The following GRIP1 variants were observed in gnomAD, a reference collection of about 807,000 sequenced individuals.
The protein encoded by GRIP1 is glutamate receptor-interacting protein 1.
GRIP1 carries 45 observed loss-of-function variants against 129.9 expected under a neutral mutation model. The observed-to-expected ratio is 0.35, with a 90% confidence interval of 0.27 to 0.44. The LOEUF (loss-of-function observed/expected upper bound fraction) is 0.44. Among genes scored for constraint, GRIP1 ranks in the 20% least tolerant of loss-of-function variants. The pLI, the probability that GRIP1 is intolerant of heterozygous loss-of-function variation, is 1.00. For synonymous variants in GRIP1, 530 were observed against 520.8 expected, an observed-to-expected ratio of 1.02 and a Z score of -0.24; for missense variants, 1,196 against 1,396.8, an observed-to-expected ratio of 0.86 and a Z score of 2.29.
chr12:66,991,929 G>T (rs770690886), intron 1 of GRIP1, among the ~76,000 whole-genome samples: 7 of 152,136 alleles, frequency 4.6e-5, no homozygotes, highest in Non-Finnish European at 8.8e-5. Context: ...TTTCATAAAA[G>T]AGAAAATGCT....
chr12:66,348,580 T>C lies in GRIP1; in HGVS notation c.*439A>G, dbSNP rs1314173079. On this transcript the variant is annotated 3_prime_UTR_variant, in exon 25 of 25. Transcript: ENST00000359742. The stretch of plus-strand genomic sequence containing the variant: ...TAGTTCCCCTAGTAGAGCCAGCCTA[T>C]GAGAAGAAAAGCTTTGTTGGCCAAG... 5.0e-6 allele frequency: 1 copy of C among 198,494 alleles called. No homozygotes were observed. Among genetic ancestry groups the C allele is most frequent in the Non-Finnish European group, 1.0e-5 (1 of 95,882 alleles). The allele number at this position is 198,494 out of a possible 1,614,324, so 12.3% of individuals were successfully genotyped here.
At chr12:66,476,273 C>T (rs1044651782) in intron 7 of GRIP1, among the ~76,000 whole-genome samples, 1 of 152,002 alleles carries the variant, frequency 6.6e-6, no homozygotes, top group African/African-American at 2.4e-5. Context: ...TAGAAGAAAT[C>T]CATAAATTCC....
intron 12 of GRIP1, 56 bp downstream of exon 12, chr12:66,445,266 T>C (rs1048359989): frequency 7.5e-6 from 10 of 1,338,958 alleles, no homozygotes; most frequent in South Asian, 5.9e-5. Context: ...CATTCAAAGA[T>C]AGCAGGTACC....
Position 66,353,582 on chromosome 12 carries a change from A to G in GRIP1, c.3013-19T>C. Reference sequence around the variant, plus strand: ...AGGTCACCTGAAGAGAGAAAATGGGATGTGAATATTTAGCTGGGGTGGAGA... The same window carrying G: ...AGGTCACCTGAAGAGAGAAAATGGGGTGTGAATATTTAGCTGGGGTGGAGA... On this transcript the variant is annotated intron_variant, in intron 23 of 24. Transcript: ENST00000359742. 1 of 1,612,674 alleles carries G rather than the reference A, an allele frequency of 6.2e-7. No homozygotes were observed. Among genetic ancestry groups the G allele is most frequent in the Non-Finnish European group, 8.5e-7 (1 of 1,178,658 alleles).
intron 1 of GRIP1, among the ~76,000 whole-genome samples, chr12:66,817,132 C>T (rs896945091): frequency 6.6e-6 from 1 of 150,694 alleles, no homozygotes; most frequent in African/African-American, 2.4e-5. Context: ...CACTCTTATG[C>T]CAGTATGACT....
chr12:66,472,876 T>C (rs2059480782), intron 7 of GRIP1, among the ~76,000 whole-genome samples: 1 of 151,950 alleles, frequency 6.6e-6, no homozygotes, highest in African/African-American at 2.4e-5. Flanking sequence ...TGGCCCTGGG[T>C]TTCAAGCACA....
intron 1 of GRIP1, among the ~76,000 whole-genome samples, chr12:66,758,375 A>C (rs2037365317): frequency 1.3e-5 from 2 of 151,814 alleles, no homozygotes; most frequent in African/African-American, 4.8e-5. Flanking sequence ...CCCGTGATTC[A>C]ATTACCCCCA....
intron 3 of GRIP1, among the ~76,000 whole-genome samples, chr12:66,540,844 G>A (rs1246857307): frequency 1.3e-5 from 2 of 152,042 alleles, no homozygotes; most frequent in Non-Finnish European, 2.9e-5. Context: ...GTCCAGGCTG[G>A]AGTGCAATGG....
intron 1 of GRIP1, among the ~76,000 whole-genome samples, chr12:66,996,916 A>G (rs2042475722): frequency 6.6e-6 from 1 of 152,172 alleles, no homozygotes; most frequent in South Asian, 2.1e-4. Context: ...TAAAAGGAAG[A>G]AGGGAGAACC....
intron 2 of GRIP1, among the ~76,000 whole-genome samples, chr12:66,544,520 C>T (rs1295528187): frequency 2.0e-5 from 3 of 152,168 alleles, no homozygotes; most frequent in Non-Finnish European, 4.4e-5. Flanking sequence ...AATGCACCAT[C>T]TATTTTACAA....
chr12:66,867,668 A>G (rs1005723437), intron 1 of GRIP1, among the ~76,000 whole-genome samples: 1 of 152,210 alleles, frequency 6.6e-6, no homozygotes, highest in Admixed American at 6.6e-5. Flanking sequence ...ATTGTGATTG[A>G]TAATGTTATC....
intron 1 of GRIP1, among the ~76,000 whole-genome samples, chr12:66,912,167 C>CT (rs1474921500): frequency 1.3e-5 from 2 of 151,912 alleles, no homozygotes; most frequent in Non-Finnish European, 2.9e-5. Context: ...AGGAGTATTT[C>CT]TTTTTTAATC....
intron 1 of GRIP1, among the ~76,000 whole-genome samples, chr12:66,977,108 CAGAG>C (rs910970986): frequency 1.7e-4 from 26 of 151,862 alleles, no homozygotes; most frequent in African/African-American, 6.3e-4. Context: ...GGATAGCTCC[CAGAG>C]AAAGATTCAT....
intron 1 of GRIP1, among the ~76,000 whole-genome samples, chr12:67,020,470 C>A (rs1427041786): frequency 2.6e-5 from 4 of 152,186 alleles, no homozygotes; most frequent in Non-Finnish European, 5.9e-5. Flanking sequence ...TGCAGTGGTA[C>A]AATCATAGCT....
intron 1 of GRIP1, among the ~76,000 whole-genome samples, chr12:66,927,230 T>C (rs950881639): frequency 2.0e-5 from 3 of 152,186 alleles, no homozygotes; most frequent in African/African-American, 7.2e-5. Flanking sequence ...CCCTTTATTA[T>C]TGCATTGTCC....
intron 13 of GRIP1, among the ~76,000 whole-genome samples, chr12:66,437,068 T>C (rs1025691598): frequency 6.6e-6 from 1 of 151,930 alleles, no homozygotes; most frequent in African/African-American, 2.4e-5. Context: ...GCTTAAAATA[T>C]TTATAAAATA....
intron 1 of GRIP1, among the ~76,000 whole-genome samples, chr12:66,732,947 T>C (rs968933710): frequency 1.8e-4 from 27 of 152,320 alleles, no homozygotes; most frequent in African/African-American, 6.5e-4. Flanking sequence ...AGGATTGTGC[T>C]AGGCCCAAAT....
chr12:66,652,951 T>C (rs938406610), intron 1 of GRIP1, among the ~76,000 whole-genome samples: 1 of 152,216 alleles, frequency 6.6e-6, no homozygotes. Context: ...TGCCAGTTGC[T>C]TTACTTGAAA....
intron 1 of GRIP1, among the ~76,000 whole-genome samples, chr12:67,003,624 C>T (rs895067196): frequency 6.6e-6 from 1 of 151,896 alleles, no homozygotes; most frequent in African/African-American, 2.4e-5. Context: ...ACCCAGGAGG[C>T]GGAGGTTGCA....
Sources: gnomAD v4.1 joint callset for allele counts (sites outside exome capture counted in the v4.1 genomes callset) on GRCh38, gnomAD v4.1.1 for gene constraint, MANE v1.5 for transcripts, NCBI Gene and HGNC (gene_info 2026-07-23, HGNC 2026-07-21) for gene names.